The following ZBTB7C variants were observed in gnomAD, a reference collection of about 807,000 sequenced individuals.
ZBTB7C encodes zinc finger and BTB domain-containing protein 7C.
Under a neutral mutation model 25.7 loss-of-function variants are expected in ZBTB7C, and 8 were observed. The ratio of observed to expected loss-of-function variants is 0.31; its 90% confidence interval spans 0.18 to 0.56. The LOEUF (loss-of-function observed/expected upper bound fraction) is 0.56, where lower values mean the gene tolerates loss of function less well. ZBTB7C is among the 20% of genes least tolerant of loss of function. The pLI is 0.91. For missense variants in ZBTB7C, 824 were observed against 855.2 expected, an observed-to-expected ratio of 0.96 and a Z score of 0.46; for synonymous variants, 394 against 369.0, an observed-to-expected ratio of 1.07 and a Z score of -0.78.
At chr18:48,254,507 C>T (rs977027251) in intron 2 of ZBTB7C, among the ~76,000 whole-genome samples, 12 of 152,148 alleles carry the variant, frequency 7.9e-5, no homozygotes, top group East Asian at 1.9e-4. Flanking sequence ...TGCTGCAGTC[C>T]GCCGCTTTTC....
Position 48,141,151 on chromosome 18 carries a change from C to CCG in ZBTB7C, c.-17+44782_-17+44783insCG, listed in dbSNP as rs1555699051. On this transcript the variant is annotated intron_variant, in intron 3 of 4. Transcript: ENST00000590800. ...ATAGGCATCCCCCCCGCACCACCCC[C>CCG]CCCACTGTTCCTTCTCCTTCCTGCT... 4.8e-5 allele frequency among the ~76,000 whole-genome samples: 7 copies of CCG among 145,498 alleles called. No homozygotes were observed. In the South Asian group the frequency reaches 1.4e-3, roughly 29 times the overall value.
chr18:48,378,147 A>G (rs2047563522), intron 1 of ZBTB7C, among the ~76,000 whole-genome samples: 2 of 152,204 alleles, frequency 1.3e-5, no homozygotes, highest in Admixed American at 1.3e-4. Flanking sequence ...TCAAAAAAAA[A>G]GGAAGGTTGG....
chr18:48,292,834 C>T (rs762822436), intron 2 of ZBTB7C, among the ~76,000 whole-genome samples: 14 of 152,290 alleles, frequency 9.2e-5, no homozygotes, highest in Non-Finnish European at 1.8e-4. Context: ...CTCCTTCATG[C>T]TCTCACCCAT....
intron 2 of ZBTB7C, among the ~76,000 whole-genome samples, chr18:48,243,005 C>T (rs760998870): frequency 8.6e-5 from 13 of 151,768 alleles, no homozygotes; most frequent in African/African-American, 2.7e-4. Context: ...GGCTCATGCC[C>T]ATAATCCTAA....
chr18:48,406,632 G>C (rs1175965695), intron 1 of ZBTB7C, among the ~76,000 whole-genome samples: 1 of 152,188 alleles, frequency 6.6e-6, no homozygotes, highest in African/African-American at 2.4e-5. Context: ...TGTGGAGTAA[G>C]GGGGCACTGA....
intron 1 of ZBTB7C, among the ~76,000 whole-genome samples, chr18:48,382,319 G>A (rs1013969802): frequency 3.3e-5 from 5 of 152,122 alleles, no homozygotes; most frequent in Non-Finnish European, 7.4e-5. Context: ...TTTTTCATAC[G>A]TTTTTAAAAA....
intron 2 of ZBTB7C, among the ~76,000 whole-genome samples, chr18:48,233,066 C>T (rs2145357773): frequency 6.6e-6 from 1 of 152,188 alleles, no homozygotes; most frequent in South Asian, 2.1e-4. Context: ...TATGTCCCCT[C>T]CAAAAGCATA....
chr18:48,271,458 A>C (rs2044482467), intron 2 of ZBTB7C, among the ~76,000 whole-genome samples: 1 of 149,522 alleles, frequency 6.7e-6, no homozygotes, highest in South Asian at 2.1e-4. Flanking sequence ...TATATCAATA[A>C]ACTGTATGTA....
At chr18:48,146,974 C>T (rs756760304) in intron 3 of ZBTB7C, among the ~76,000 whole-genome samples, 5 of 152,196 alleles carry the variant, frequency 3.3e-5, no homozygotes, top group Non-Finnish European at 5.9e-5. Flanking sequence ...AAGTGTTTTC[C>T]ACCAACTACA....
chr18:48,127,451 G>A (rs2039840400), intron 3 of ZBTB7C, among the ~76,000 whole-genome samples: 1 of 152,228 alleles, frequency 6.6e-6, no homozygotes, highest in Non-Finnish European at 1.5e-5. Context: ...CTAAATGGAT[G>A]ACAACTCTTT....
At chr18:48,182,110 A>G (rs1341015660) in intron 3 of ZBTB7C, among the ~76,000 whole-genome samples, 1 of 152,180 alleles carries the variant, frequency 6.6e-6, no homozygotes, top group Non-Finnish European at 1.5e-5. Context: ...TTGATGCTTT[A>G]TCTGGTTGCA....
At chr18:48,141,436 T>C (rs550281861) in intron 3 of ZBTB7C, among the ~76,000 whole-genome samples, 1 of 152,154 alleles carries the variant, frequency 6.6e-6, no homozygotes, top group Non-Finnish European at 1.5e-5. Flanking sequence ...GTGCCTGGTA[T>C]GTCACTGGCC....
At chr18:48,184,863 C>G (rs533086254) in intron 3 of ZBTB7C, among the ~76,000 whole-genome samples, 2 of 152,242 alleles carry the variant, frequency 1.3e-5, no homozygotes, top group East Asian at 3.9e-4. Flanking sequence ...TTCCCTCTCT[C>G]TCTCTGAGAC....
In ZBTB7C at chr18:48,029,319, C is replaced by T. The variant is rs771502133; in HGVS notation, c.1801G>A (p.Gly601Ser). Residue 601 changes from glycine to serine, a missense_variant, in exon 5 of 5, where the codon GGC (glycine) becomes AGC (serine). Coordinates refer to ENST00000590800, the MANE Select transcript of ZBTB7C (RefSeq NM_001318841.2). Reference sequence around the variant, plus strand: ...TTGAGGCCGGCGAGCCCAGGGAGGCCGGCCAGGCCGGCGGCCCAAGGGTCG... The same window carrying T: ...TTGAGGCCGGCGAGCCCAGGGAGGCTGGCCAGGCCGGCGGCCCAAGGGTCG... The part of the protein sequence containing the change: ...LPDPWAAGLA[G>S]LPGLAGLNHV... 45 of 1,536,742 alleles carry T rather than the reference C, an allele frequency of 2.9e-5. No homozygotes were observed. Among genetic ancestry groups the T allele is most frequent in the Non-Finnish European group, 3.7e-5 (42 of 1,147,094 alleles).
intron 3 of ZBTB7C, among the ~76,000 whole-genome samples, chr18:48,129,454 C>A (rs2039917880): frequency 6.6e-6 from 1 of 152,008 alleles, no homozygotes; most frequent in African/African-American, 2.4e-5. Context: ...CAGTCGGAGG[C>A]AGATCAGACC....
At chr18:48,243,693 C>T (rs2043595760) in intron 2 of ZBTB7C, among the ~76,000 whole-genome samples, 1 of 152,100 alleles carries the variant, frequency 6.6e-6, no homozygotes, top group Non-Finnish European at 1.5e-5. Context: ...TCATATGGAA[C>T]TAAAAAAGAG....
At chr18:48,409,036 A>T (rs1369553675) in intron 1 of ZBTB7C, among the ~76,000 whole-genome samples, 190 bp downstream of exon 1, 1 of 148,932 alleles carries the variant, frequency 6.7e-6, no homozygotes, top group Admixed American at 6.7e-5. Context: ...CCCCTGCTCC[A>T]GCCGGCGCCC....
intron 3 of ZBTB7C, among the ~76,000 whole-genome samples, chr18:48,153,924 G>A (rs1185975323): frequency 6.6e-6 from 1 of 152,222 alleles, no homozygotes; most frequent in Non-Finnish European, 1.5e-5. Flanking sequence ...CTAGGAGGCT[G>A]TAGGAACAGC....
chr18:48,151,729 A>T (rs1256000733), intron 3 of ZBTB7C, among the ~76,000 whole-genome samples: 1 of 152,116 alleles, frequency 6.6e-6, no homozygotes, highest in African/African-American at 2.4e-5. Context: ...TCTCTGTTCC[A>T]ATCTCCCTGC....
Sources: gnomAD v4.1 joint callset for allele counts (sites outside exome capture counted in the v4.1 genomes callset) on GRCh38, gnomAD v4.1.1 for gene constraint, MANE v1.5 for transcripts, NCBI Gene and HGNC (gene_info 2026-07-23, HGNC 2026-07-21) for gene names.